Variants in RBFOX1 observed in about 807,000 individuals in gnomAD.
RBFOX1 encodes RNA binding fox-1 homolog 1.
Under a neutral mutation model 57.7 loss-of-function variants are expected in RBFOX1, and 8 were observed. That is an observed-to-expected ratio of 0.14 (90% CI 0.08 to 0.25). The LOEUF (loss-of-function observed/expected upper bound fraction) is 0.25. Ranked by LOEUF, RBFOX1 falls within the 10% of genes least tolerant of loss-of-function variation. The probability of loss-of-function intolerance (pLI) is 1.00; values close to 1 mark genes in which losing one functional copy is unlikely to be tolerated. For missense variants in RBFOX1, 611 were observed against 548.5 expected (o/e 1.11, Z -1.14); for synonymous variants, 326 against 222.4 (o/e 1.47, Z -4.15).
chr16:5,633,092 C>T (rs765419392), intron 3 of RBFOX1, among the ~76,000 whole-genome samples: 1 of 152,038 alleles, frequency 6.6e-6, no homozygotes, highest in Non-Finnish European at 1.5e-5. Flanking sequence ...GCACCAGTCA[C>T]CATGCCCGGC....
At chr16:5,253,422 G>A (rs1343633217) in intron 1 of RBFOX1, among the ~76,000 whole-genome samples, 1 of 152,146 alleles carries the variant, frequency 6.6e-6, no homozygotes, top group African/African-American at 2.4e-5. Context: ...AAAGTGCTGG[G>A]ATTACAGGCG....
chr16:7,194,004 C>T (rs929711016), intron 4 of RBFOX1, among the ~76,000 whole-genome samples: 12 of 151,362 alleles, frequency 7.9e-5, no homozygotes, highest in Admixed American at 4.6e-4. Context: ...AAGTATAAGC[C>T]GTATCATATT....
chr16:7,479,036 G>A (rs998285612), intron 4 of RBFOX1, among the ~76,000 whole-genome samples: 8 of 151,854 alleles, frequency 5.3e-5, no homozygotes, highest in East Asian at 3.9e-4. Flanking sequence ...AGTTTATCCC[G>A]AATCCACAAA....
intron 4 of RBFOX1, among the ~76,000 whole-genome samples, chr16:7,117,066 A>C (rs1269810096): frequency 6.6e-6 from 1 of 152,144 alleles, no homozygotes. Context: ...CATCAGCTAT[A>C]AATACTCAAA....
chr16:5,462,272 C>T (rs1446194764), intron 1 of RBFOX1, among the ~76,000 whole-genome samples: 2 of 150,880 alleles, frequency 1.3e-5, no homozygotes, highest in Admixed American at 1.3e-4. Flanking sequence ...GGGTTCACGC[C>T]ATTCTCCTGC....
intron 3 of RBFOX1, among the ~76,000 whole-genome samples, chr16:5,822,741 T>A (rs1245053122): frequency 6.6e-6 from 1 of 151,954 alleles, no homozygotes; most frequent in Admixed American, 6.6e-5. Flanking sequence ...GCTCCTGGAG[T>A]GTGCAAGTTG....
chr16:7,106,445 A>T (rs189162401), intron 4 of RBFOX1, among the ~76,000 whole-genome samples: 7 of 152,256 alleles, frequency 4.6e-5, no homozygotes, highest in African/African-American at 1.7e-4. Flanking sequence ...GAAAGAAAAA[A>T]ACACCCTTGG....
At chr16:7,490,104 T>C (rs1032075775) in intron 4 of RBFOX1, among the ~76,000 whole-genome samples, 1 of 152,174 alleles carries the variant, frequency 6.6e-6, no homozygotes, top group Non-Finnish European at 1.5e-5. Context: ...ATCTTTGCCA[T>C]GTGGCTTCTG....
chr16:6,997,164 A>G (rs938202541), intron 3 of RBFOX1, among the ~76,000 whole-genome samples: 2 of 152,232 alleles, frequency 1.3e-5, no homozygotes, highest in East Asian at 3.9e-4. Context: ...AGCTGAAATT[A>G]AATAGAGAAT....
chr16:6,982,683 G>C (rs919636655), intron 3 of RBFOX1, among the ~76,000 whole-genome samples: 1 of 152,146 alleles, frequency 6.6e-6, no homozygotes, highest in Non-Finnish European at 1.5e-5. Context: ...TAGATTTACT[G>C]TTATCTCATT....
At chr16:5,464,274 G>C (rs556236339) in intron 1 of RBFOX1, among the ~76,000 whole-genome samples, 1 of 152,354 alleles carries the variant, frequency 6.6e-6, no homozygotes, top group East Asian at 1.9e-4. Context: ...TGCACAGTCA[G>C]GGGTCCCCAG....
chr16:5,640,875 C>G (rs965676416), intron 3 of RBFOX1, among the ~76,000 whole-genome samples: 1 of 151,168 alleles, frequency 6.6e-6, no homozygotes, highest in Non-Finnish European at 1.5e-5. Context: ...CACACACACA[C>G]ACACCATGCA....
At chr16:6,996,132 C>A (rs573790014) in intron 3 of RBFOX1, among the ~76,000 whole-genome samples, 1 of 152,166 alleles carries the variant, frequency 6.6e-6, no homozygotes, top group Non-Finnish European at 1.5e-5. Flanking sequence ...TTTATTGTAT[C>A]CTAATTATCT....
At chr16:7,417,312 G>A (rs1231200192) in intron 4 of RBFOX1, among the ~76,000 whole-genome samples, 2 of 149,186 alleles carry the variant, frequency 1.3e-5, no homozygotes, top group Non-Finnish European at 3.0e-5. Context: ...GGTGGAGGTT[G>A]CAGTGAGGTG....
intron 3 of RBFOX1, among the ~76,000 whole-genome samples, chr16:6,854,756 G>A (rs1234793587): frequency 6.6e-6 from 1 of 151,690 alleles, no homozygotes; most frequent in Non-Finnish European, 1.5e-5. Context: ...CATTGCGCCC[G>A]GCTAATTTTT....
intron 4 of RBFOX1, among the ~76,000 whole-genome samples, chr16:7,357,874 A>C (rs1238259346): frequency 6.6e-6 from 1 of 152,108 alleles, no homozygotes; most frequent in Non-Finnish European, 1.5e-5. Context: ...ATATTTCTTC[A>C]GTCTAGTTTT....
chr16:6,634,588 TATA>T (rs559273328), intron 2 of RBFOX1, among the ~76,000 whole-genome samples: 83 of 146,446 alleles, frequency 5.7e-4, no homozygotes, highest in South Asian at 2.5e-3. Context: ...TATTCAAATA[TATA>T]ATATTAATCT....
chr16:6,543,959 T>A (rs2096859629), intron 2 of RBFOX1, among the ~76,000 whole-genome samples: 1 of 152,216 alleles, frequency 6.6e-6, no homozygotes, highest in Admixed American at 6.5e-5. Flanking sequence ...CTTTTAAATC[T>A]AAGAAAGGTA....
intron 14 of RBFOX1, among the ~76,000 whole-genome samples, chr16:7,701,253 A>C (rs1052382335): frequency 2.1e-5 from 3 of 145,982 alleles, no homozygotes; most frequent in Admixed American, 1.3e-4. Flanking sequence ...CTGCATTTTT[A>C]GTCATTTTGT....
Sources: gnomAD v4.1 joint callset for allele counts (sites outside exome capture counted in the v4.1 genomes callset) on GRCh38, gnomAD v4.1.1 for gene constraint, MANE v1.5 for transcripts, NCBI Gene and HGNC (gene_info 2026-07-23, HGNC 2026-07-21) for gene names.